TEX2: variants seen among roughly 807,000 people sequenced by gnomAD.
TEX2 encodes the protein testis-expressed protein 2.
Under a neutral mutation model 106.9 loss-of-function variants are expected in TEX2, and 53 were observed. The ratio of observed to expected loss-of-function variants is 0.50; its 90% confidence interval spans 0.40 to 0.62. The LOEUF (loss-of-function observed/expected upper bound fraction) is 0.62, where lower values mean the gene tolerates loss of function less well. Among genes scored for constraint, TEX2 ranks in the 20% least tolerant of loss-of-function variants. The pLI, the probability that TEX2 is intolerant of heterozygous loss-of-function variation, is 0.00. For synonymous variants in TEX2, 523 were observed against 534.8 expected (o/e 0.98, Z 0.30); for missense variants, 1,207 against 1,379.0 (o/e 0.88, Z 1.98).
intron 1 of TEX2, among the ~76,000 whole-genome samples, chr17:64,246,193 C>G (rs944221294): frequency 1.2e-4 from 18 of 152,204 alleles, no homozygotes; most frequent in Admixed American, 5.2e-4. Flanking sequence ...GATGACCATT[C>G]TTGACTCTAA....
At chr17:64,255,667 T>C (rs1317910132) in intron 1 of TEX2, 2 of 152,238 alleles carry the variant, frequency 1.3e-5, no homozygotes, top group Non-Finnish European at 2.9e-5. Context: ...AACTTAAATA[T>C]GGCTGGGTTC....
chr17:64,227,949 C>T (rs765445752), intron 1 of TEX2, among the ~76,000 whole-genome samples: 9 of 152,166 alleles, frequency 5.9e-5, no homozygotes, highest in South Asian at 2.1e-4. Flanking sequence ...GATTTTTAAT[C>T]GCTGTATAGG....
chr17:64,167,794 G>A (rs1411773942), intron 7 of TEX2, among the ~76,000 whole-genome samples: 2 of 152,050 alleles, frequency 1.3e-5, no homozygotes, highest in Non-Finnish European at 2.9e-5. Context: ...ACTCCAGGCT[G>A]GACGACAAGA....
Position 64,188,267 on chromosome 17 carries a change from G to A in TEX2, c.2325C>T (p.Asp775=). Residue 775 remains aspartate, a synonymous_variant, in exon 5 of 12, where the codon GAC becomes GAT. Transcript: ENST00000584379. ...CACACCTGCCCATGTACACGCTGTA[G>A]TCGAGAAGCATCTTCTGCCGCACGC... The part of the protein sequence containing the change: ...AGSVRQKMLL[D]YSVYMGRCVP... The A allele has an allele frequency of 6.2e-7, 1 of 1,614,048 alleles. No homozygotes were observed.
rs182050785 is a variant in TEX2 at position 64,200,475 on chromosome 17, C to A, written c.1645-5380G>T. 1.1e-3 allele frequency among the ~76,000 whole-genome samples: 172 copies of A among 152,324 alleles called. 1 individual carries two copies. The highest frequency in any genetic ancestry group is 3.3e-3 in the East Asian group (17 of 5,182). On this transcript the variant is annotated intron_variant, in intron 2 of 11. Coordinates refer to ENST00000584379, the MANE Select transcript of TEX2 (RefSeq NM_001288732.2). ...AGCTACCACCTTAGCTGAAGAACAG[C>A]CACTGTGGAGTTCTTGCTGGCTGCA...
intron 1 of TEX2, among the ~76,000 whole-genome samples, chr17:64,219,032 G>A (rs890486871): frequency 2.6e-5 from 4 of 152,000 alleles, no homozygotes; most frequent in Non-Finnish European, 5.9e-5. Context: ...AAGTTATTCC[G>A]AGAAATACTT....
chr17:64,222,872 T>C (rs1329092646), intron 1 of TEX2, among the ~76,000 whole-genome samples: 6 of 152,156 alleles, frequency 3.9e-5, no homozygotes, highest in African/African-American at 1.4e-4. Context: ...AAATGCCCTC[T>C]AAACCTTAGC....
intron 1 of TEX2, among the ~76,000 whole-genome samples, chr17:64,260,540 C>T (rs2034271350): frequency 6.6e-6 from 1 of 152,164 alleles, no homozygotes; most frequent in South Asian, 2.1e-4. Context: ...AGCTTGTCAC[C>T]TTGGGCAAGT....
chr17:64,149,300 T>G (rs1010572925), intron 11 of TEX2: 2 of 540,316 alleles, frequency 3.7e-6, no homozygotes, highest in South Asian at 4.6e-5. Context: ...TCCTCTAATA[T>G]ATCAGCTCGG....
chr17:64,155,063 C>G, intron 8 of TEX2, 96 bp from the exon 9 acceptor site: 7 of 1,370,366 alleles, frequency 5.1e-6, no homozygotes, highest in Non-Finnish European at 5.7e-6. Flanking sequence ...TCAACCACAA[C>G]AGGGTCGGGA....
chr17:64,193,116 G>A (rs2032353485), intron 4 of TEX2, among the ~76,000 whole-genome samples: 2 of 152,176 alleles, frequency 1.3e-5, no homozygotes, highest in South Asian at 4.1e-4. Flanking sequence ...CAATCCGAAT[G>A]ACCACGATCT....
chr17:64,204,146 G>T (rs1230902564), intron 2 of TEX2, among the ~76,000 whole-genome samples: 1 of 152,196 alleles, frequency 6.6e-6, no homozygotes, highest in Non-Finnish European at 1.5e-5. Flanking sequence ...AGCAGCCTCT[G>T]TCACTTTTCA....
chr17:64,181,256 T>G (rs185281000), intron 5 of TEX2, among the ~76,000 whole-genome samples: 6 of 152,012 alleles, frequency 3.9e-5, no homozygotes, highest in Non-Finnish European at 8.8e-5. Flanking sequence ...GGCGGGCAAA[T>G]CACGCAGTCA....
At chr17:64,157,685 C>T (rs1355738233) in intron 8 of TEX2, among the ~76,000 whole-genome samples, 3 of 152,258 alleles carry the variant, frequency 2.0e-5, no homozygotes, top group Non-Finnish European at 4.4e-5. Flanking sequence ...GTTCTATACA[C>T]CTGCCACAGG....
intron 1 of TEX2, among the ~76,000 whole-genome samples, chr17:64,249,386 G>A (rs1016931802): frequency 6.6e-5 from 10 of 152,154 alleles, no homozygotes; most frequent in South Asian, 2.1e-4. Context: ...GAGGGAAAAC[G>A]GAGGCTAATG....
At chr17:64,177,206 C>T (rs1367487301) in intron 6 of TEX2, 119 bp downstream of exon 6, 34 of 1,174,560 alleles carry the variant, frequency 2.9e-5, no homozygotes, top group East Asian at 2.4e-5. Flanking sequence ...TGAGAACTTA[C>T]TACCCTCATA....
intron 1 of TEX2, among the ~76,000 whole-genome samples, chr17:64,215,025 C>T (rs1306450130): frequency 2.0e-5 from 3 of 152,200 alleles, no homozygotes; most frequent in Admixed American, 2.0e-4. Flanking sequence ...AAGAACTCTA[C>T]CAAGGACTGT....
chr17:64,228,256 A>G (rs2033560414), intron 1 of TEX2, among the ~76,000 whole-genome samples: 1 of 152,342 alleles, frequency 6.6e-6, no homozygotes, highest in South Asian at 2.1e-4. Context: ...AATCAGCTTC[A>G]TGGAAGACAA....
At chr17:64,169,899 C>T (rs1346801215) in intron 7 of TEX2, among the ~76,000 whole-genome samples, 1 of 152,206 alleles carries the variant, frequency 6.6e-6, no homozygotes, top group Non-Finnish European at 1.5e-5. Flanking sequence ...TGGAAAGAGG[C>T]TCACTTGCCA....
Sources: allele counts gnomAD v4.1 joint callset (sites outside exome capture counted in the v4.1 genomes callset), GRCh38; gene constraint gnomAD v4.1.1; transcripts MANE v1.5; gene names NCBI Gene and HGNC (gene_info 2026-07-23, HGNC 2026-07-21).